Variants in TRPC4 observed in about 807,000 individuals in gnomAD.
TRPC4 encodes transient receptor potential cation channel subfamily C member 4.
TRPC4 carries 49 observed loss-of-function variants against 99.4 expected under a neutral mutation model. The ratio of observed to expected loss-of-function variants is 0.49; its 90% CI spans 0.39 to 0.63. The LOEUF (loss-of-function observed/expected upper bound fraction) is 0.63. TRPC4 is among the 20% of genes least tolerant of loss of function. The pLI, the probability that TRPC4 is intolerant of heterozygous loss-of-function variation, is 0.00. For synonymous variants in TRPC4, 454 were observed against 425.9 expected, an observed-to-expected ratio of 1.07 and a Z score of -0.81; for missense variants, 898 against 1,152.9, an observed-to-expected ratio of 0.78 and a Z score of 3.20.
At chr13:37,678,742 A>G (rs2138794059) in intron 4 of TRPC4, among the ~76,000 whole-genome samples, 1 of 152,270 alleles carries the variant, frequency 6.6e-6, no homozygotes, top group South Asian at 2.1e-4. Flanking sequence ...GAAACATTTA[A>G]GAGGCAAGTA....
In TRPC4 at chr13:37,636,473, G is replaced by T. The variant is rs779088970; in HGVS notation, c.*430C>A. On this transcript the variant is annotated 3_prime_UTR_variant, in exon 11 of 11. Transcript: ENST00000379705. Reference sequence around the variant, plus strand: ...CTGTAGGACTAGGTGAAAAGTCCTTGGTGAGTAACCCTCTCTAAAGACCCT... The same window carrying T: ...CTGTAGGACTAGGTGAAAAGTCCTTTGTGAGTAACCCTCTCTAAAGACCCT... Among the ~76,000 whole-genome samples the T allele has an allele frequency of 1.3e-4, 20 of 152,060 alleles. No homozygotes were observed. Among genetic ancestry groups the T allele is most frequent in the Non-Finnish European group, 2.8e-4 (19 of 68,010 alleles).
intron 1 of TRPC4, among the ~76,000 whole-genome samples, chr13:37,854,302 T>C (rs1036152620): frequency 2.0e-5 from 3 of 151,994 alleles, no homozygotes; most frequent in African/African-American, 7.2e-5. Flanking sequence ...AAAAATAAAA[T>C]TATCCTAGAA....
intron 8 of TRPC4, among the ~76,000 whole-genome samples, chr13:37,649,955 C>T (rs1015420160): frequency 1.3e-5 from 2 of 152,018 alleles, no homozygotes; most frequent in Admixed American, 6.6e-5. Context: ...AACTGTAGTC[C>T]CCCAAATCTA....
At chr13:37,702,799 T>C (rs970571565) in intron 3 of TRPC4, among the ~76,000 whole-genome samples, 11 of 152,286 alleles carry the variant, frequency 7.2e-5, no homozygotes, top group Non-Finnish European at 1.0e-4. Context: ...GTCATATATA[T>C]AAAACCATCT....
At chr13:37,742,421 C>T (rs549234132) in intron 3 of TRPC4, among the ~76,000 whole-genome samples, 4 of 152,262 alleles carry the variant, frequency 2.6e-5, no homozygotes, top group Non-Finnish European at 2.9e-5. Context: ...CATTACTGAG[C>T]ACCTTCTGTA....
rs1241766854 is a variant in TRPC4 at position 37,636,809 on chromosome 13, G to A, written c.*94C>T. The A allele has an allele frequency of 6.8e-7, 1 of 1,473,796 alleles. No individual in the cohort carries two copies. Among genetic ancestry groups the A allele is most frequent in the Non-Finnish European group, 9.1e-7 (1 of 1,102,324 alleles). The allele number at this position is 1,473,796 out of a possible 1,614,324, so 91.3% of individuals were successfully genotyped here. A position where few individuals can be genotyped will look rare whatever the true frequency, so the allele number is the denominator to read the frequency against. The stretch of plus-strand genomic sequence containing the variant: ...AGCTGATAAACGCTATAAAGTGTAA[G>A]TTAGCATTTGCTAATACAATTTAAA... On this transcript the variant is annotated 3_prime_UTR_variant, in exon 11 of 11. Transcript: ENST00000379705.
chr13:37,669,492 G>A (rs1952764227), intron 5 of TRPC4, among the ~76,000 whole-genome samples: 1 of 152,116 alleles, frequency 6.6e-6, no homozygotes, highest in African/African-American at 2.4e-5. Context: ...AATAAATCAA[G>A]ATACTCAAGA....
At chr13:37,705,384 A>G (rs1954238351) in intron 3 of TRPC4, among the ~76,000 whole-genome samples, 1 of 152,130 alleles carries the variant, frequency 6.6e-6, no homozygotes, top group African/African-American at 2.4e-5. Context: ...TAATGTGGTG[A>G]CTATAGCTAA....
chr13:37,648,997 T>G (rs9547998), intron 8 of TRPC4, among the ~76,000 whole-genome samples: 30,282 of 92,070 alleles, frequency 0.33, 3,434 homozygotes, highest in Non-Finnish European at 0.37. Context: ...ATTTCTTTGG[T>G]GAGTAGGTAT....
intron 3 of TRPC4, among the ~76,000 whole-genome samples, chr13:37,724,800 T>C (rs2139051733): frequency 6.6e-6 from 1 of 152,326 alleles, no homozygotes; most frequent in South Asian, 2.1e-4. Flanking sequence ...CTCTAGAATA[T>C]AGGAAGCAGT....
At chr13:37,766,948 ATTG>A (rs1203012896) in intron 2 of TRPC4, among the ~76,000 whole-genome samples, 1 of 151,430 alleles carries the variant, frequency 6.6e-6, no homozygotes, top group Non-Finnish European at 1.5e-5. Flanking sequence ...AATGGTTGTG[ATTG>A]TTTTTATTTT....
At chr13:37,702,353 A>G (rs1405590204) in intron 3 of TRPC4, among the ~76,000 whole-genome samples, 1 of 152,138 alleles carries the variant, frequency 6.6e-6, no homozygotes, top group East Asian at 1.9e-4. Context: ...TTTAAACCAT[A>G]ACATCCATAG....
intron 2 of TRPC4, among the ~76,000 whole-genome samples, chr13:37,760,318 G>C (rs1172905266): frequency 1.3e-5 from 2 of 151,856 alleles, no homozygotes; most frequent in Non-Finnish European, 2.9e-5. Flanking sequence ...ATTGGTGTTT[G>C]CCTTTTCCCT....
intron 8 of TRPC4, among the ~76,000 whole-genome samples, chr13:37,641,024 C>A (rs1047230790): frequency 5.3e-5 from 8 of 152,088 alleles, no homozygotes; most frequent in African/African-American, 1.9e-4. Context: ...CAGGATTTAA[C>A]TTTAAATTTC....
intron 5 of TRPC4, among the ~76,000 whole-genome samples, chr13:37,666,791 G>A (rs974335846): frequency 1.3e-5 from 2 of 152,070 alleles, no homozygotes; most frequent in Non-Finnish European, 2.9e-5. Flanking sequence ...TCCTTGGGAA[G>A]TTCCTCAATC....
intron 3 of TRPC4, among the ~76,000 whole-genome samples, chr13:37,721,273 C>T (rs191222876): frequency 3.9e-5 from 6 of 152,142 alleles, no homozygotes; most frequent in Non-Finnish European, 5.9e-5. Context: ...GTAGTAAGCT[C>T]AATTTATTTT....
intron 2 of TRPC4, among the ~76,000 whole-genome samples, chr13:37,775,095 C>T (rs1956661602): frequency 6.6e-6 from 1 of 151,576 alleles, no homozygotes; most frequent in African/African-American, 2.4e-5. Context: ...TCGACAAAAC[C>T]CACGTATGAA....
intron 1 of TRPC4, among the ~76,000 whole-genome samples, chr13:37,845,508 A>G (rs556585803): frequency 6.6e-6 from 1 of 152,094 alleles, no homozygotes; most frequent in Admixed American, 6.5e-5. Context: ...GAATACAAAA[A>G]GTGAACTAAA....
intron 1 of TRPC4, among the ~76,000 whole-genome samples, chr13:37,788,970 C>T (rs954172013): frequency 6.6e-6 from 1 of 152,056 alleles, no homozygotes; most frequent in East Asian, 1.9e-4. Flanking sequence ...TGTTGATGTT[C>T]ATCATCTTTT....
Sources: allele counts gnomAD v4.1 joint callset (sites outside exome capture counted in the v4.1 genomes callset), GRCh38; gene constraint gnomAD v4.1.1; transcripts MANE v1.5; gene names NCBI Gene and HGNC (gene_info 2026-07-23, HGNC 2026-07-21).